The following CNTN4 variants were observed in gnomAD, a reference collection of about 807,000 sequenced individuals.
The protein encoded by CNTN4 is contactin-4.
In CNTN4, 77 loss-of-function variants were observed where a neutral mutation model predicts 122.5. The ratio of observed to expected loss-of-function variants is 0.63; its 90% CI spans 0.52 to 0.76. The LOEUF (loss-of-function observed/expected upper bound fraction) is 0.76. Among genes scored for constraint, CNTN4 ranks in the 30% least tolerant of loss-of-function variants. The probability of loss-of-function intolerance (pLI) is 0.00; values close to 1 mark genes in which losing one functional copy is unlikely to be tolerated. For synonymous variants in CNTN4, 512 were observed against 447.0 expected (o/e 1.15, Z -1.83); for missense variants, 1,256 against 1,259.1 (o/e 1.00, Z 0.04).
At chr3:2,687,849 A>C (rs1012927491) in intron 4 of CNTN4, among the ~76,000 whole-genome samples, 3 of 152,136 alleles carry the variant, frequency 2.0e-5, no homozygotes, top group African/African-American at 4.8e-5. Flanking sequence ...TTCATTTTAC[A>C]AATGGAGAGA....
At chr3:2,162,780 A>T (rs9872120) in intron 2 of CNTN4, among the ~76,000 whole-genome samples, 9 of 152,122 alleles carry the variant, frequency 5.9e-5, no homozygotes, top group Non-Finnish European at 1.3e-4. Context: ...GGAGGATATC[A>T]CATTTATCAA....
At chr3:2,982,258 C>T (rs946924841) in intron 13 of CNTN4, among the ~76,000 whole-genome samples, 2 of 152,158 alleles carry the variant, frequency 1.3e-5, no homozygotes, top group African/African-American at 4.8e-5. Context: ...GCAGTCATCA[C>T]GGAATCATCT....
chr3:3,017,858 T>C (rs897440261), intron 14 of CNTN4, among the ~76,000 whole-genome samples: 2 of 152,280 alleles, frequency 1.3e-5, no homozygotes, highest in South Asian at 4.1e-4. Context: ...ATAGAACAAA[T>C]GGCACCTTCA....
chr3:2,307,314 A>G (rs1025120132), intron 2 of CNTN4, among the ~76,000 whole-genome samples: 3 of 152,100 alleles, frequency 2.0e-5, no homozygotes, highest in African/African-American at 7.2e-5. Context: ...GGGCGCCTGT[A>G]GTCCCAGCTA....
At chr3:3,026,328 T>C (rs758649805) in intron 15 of CNTN4, 51 bp downstream of exon 15, 1 of 1,440,902 alleles carries the variant, frequency 6.9e-7, no homozygotes, top group Non-Finnish European at 9.8e-7. Flanking sequence ...TAGACCAACT[T>C]AACAATATAT....
intron 4 of CNTN4, among the ~76,000 whole-genome samples, chr3:2,718,663 T>C (rs572761856): frequency 6.6e-6 from 1 of 152,328 alleles, no homozygotes; most frequent in Non-Finnish European, 1.5e-5. Context: ...ATTTTTGCTA[T>C]TAAATGAGAA....
intron 3 of CNTN4, among the ~76,000 whole-genome samples, chr3:2,482,540 G>A (rs1029215354): frequency 6.6e-6 from 1 of 152,184 alleles, no homozygotes; most frequent in Non-Finnish European, 1.5e-5. Flanking sequence ...TGTCCCCAGG[G>A]TATGTCACAG....
chr3:2,820,416 A>G (rs1396171700), intron 7 of CNTN4, among the ~76,000 whole-genome samples: 1 of 152,200 alleles, frequency 6.6e-6, no homozygotes, highest in Non-Finnish European at 1.5e-5. Context: ...TCCTCCCCAC[A>G]TGTAGATGCA....
At chr3:2,264,213 C>T (rs1280570456) in intron 2 of CNTN4, among the ~76,000 whole-genome samples, 1 of 152,088 alleles carries the variant, frequency 6.6e-6, no homozygotes, top group African/African-American at 2.4e-5. Context: ...ACTGGCTGTG[C>T]TACTTTTACA....
chr3:2,139,713 G>C (rs1187371990), intron 2 of CNTN4, among the ~76,000 whole-genome samples: 2 of 152,180 alleles, frequency 1.3e-5, no homozygotes, highest in Non-Finnish European at 2.9e-5. Context: ...TGTCACACCA[G>C]CTGGATGTTT....
In CNTN4 at chr3:2,239,984, C is replaced by T. The variant is rs145522536; in HGVS notation, c.-144-99194C>T. Among the ~76,000 whole-genome samples the T allele has an allele frequency of 9.2e-5, 14 of 152,290 alleles. No individual in the cohort carries two copies. In the East Asian group the frequency reaches 2.7e-3, roughly 29 times the overall value. The stretch of plus-strand genomic sequence containing the variant: ...TATCTTGTATCTGATTTCTCTCTTC[C>T]TGCATAGGTTGCAGACTGAAGAGCA... On this transcript the variant is annotated intron_variant, in intron 2 of 24. Coordinates refer to ENST00000418658, the MANE Select transcript of CNTN4 (RefSeq NM_175607.3).
At chr3:2,559,383 C>G (rs993887890) in intron 3 of CNTN4, among the ~76,000 whole-genome samples, 3 of 152,082 alleles carry the variant, frequency 2.0e-5, no homozygotes, top group Admixed American at 6.6e-5. Flanking sequence ...TGGCCACTTA[C>G]AGGTCTAGAG....
At chr3:2,498,952 G>T (rs1421245433) in intron 3 of CNTN4, among the ~76,000 whole-genome samples, 1 of 152,006 alleles carries the variant, frequency 6.6e-6, no homozygotes, top group African/African-American at 2.4e-5. Flanking sequence ...ACCACACCAG[G>T]CTAATTTTTG....
intron 14 of CNTN4, among the ~76,000 whole-genome samples, chr3:2,989,424 C>A (rs555044840): frequency 1.3e-5 from 2 of 152,080 alleles, no homozygotes; most frequent in Non-Finnish European, 2.9e-5. Context: ...TTCCTTCTTG[C>A]CCATTTGTAG....
chr3:2,367,425 C>T (rs550446928), intron 3 of CNTN4, among the ~76,000 whole-genome samples: 10 of 152,224 alleles, frequency 6.6e-5, no homozygotes, highest in South Asian at 2.1e-4. Context: ...CTTGAAAATA[C>T]GAAAATCTTA....
At chr3:2,708,981 A>G (rs904703520) in intron 4 of CNTN4, among the ~76,000 whole-genome samples, 3 of 152,160 alleles carry the variant, frequency 2.0e-5, no homozygotes, top group Admixed American at 2.0e-4. Context: ...GCAGAAATCC[A>G]TGTACGTATT....
intron 2 of CNTN4, among the ~76,000 whole-genome samples, chr3:2,206,376 T>C (rs1575079868): frequency 6.6e-6 from 1 of 152,144 alleles, no homozygotes; most frequent in African/African-American, 2.4e-5. Flanking sequence ...TTCATTTCAT[T>C]TGTGAAGAAA....
chr3:2,225,629 C>T (rs967536558), intron 2 of CNTN4, among the ~76,000 whole-genome samples: 2 of 152,228 alleles, frequency 1.3e-5, no homozygotes, highest in African/African-American at 2.4e-5. Flanking sequence ...TTTCTATTCT[C>T]GTCAGCATGG....
At chr3:2,166,489 A>G (rs1295976091) in intron 2 of CNTN4, among the ~76,000 whole-genome samples, 4 of 152,134 alleles carry the variant, frequency 2.6e-5, no homozygotes, top group Non-Finnish European at 4.4e-5. Flanking sequence ...CCTGACAGCC[A>G]AATTTGGTAA....
Sources: allele counts gnomAD v4.1 joint callset (sites outside exome capture counted in the v4.1 genomes callset), GRCh38; gene constraint gnomAD v4.1.1; transcripts MANE v1.5; gene names NCBI Gene and HGNC (gene_info 2026-07-23, HGNC 2026-07-21).